Variants in FAM120A observed in about 807,000 individuals in gnomAD.
The protein encoded by FAM120A is family with sequence similarity 120 member A, also known as constitutive coactivator of PPAR-gamma-like protein 1.
A neutral mutation model predicts 109.7 loss-of-function variants in FAM120A; 15 were observed. The observed-to-expected ratio is 0.14, with a 90% CI of 0.09 to 0.21. FAM120A has a LOEUF of 0.21. Ranked by LOEUF, FAM120A falls within the 10% of genes least tolerant of loss-of-function variation. The pLI is 1.00. For synonymous variants in FAM120A, 493 were observed against 572.8 expected (o/e 0.86, Z 1.99); for missense variants, 899 against 1,439.3 (o/e 0.62, Z 6.07).
chr9:93,514,462 C>T (rs1860475909), intron 5 of FAM120A, among the ~76,000 whole-genome samples: 2 of 152,200 alleles, frequency 1.3e-5, no homozygotes, highest in Admixed American at 1.3e-4. Flanking sequence ...ACATTTAAAA[C>T]AAACCCAAGG....
At chr9:93,469,187 A>C (rs949323182) in intron 1 of FAM120A, among the ~76,000 whole-genome samples, 2 of 152,182 alleles carry the variant, frequency 1.3e-5, no homozygotes, top group African/African-American at 4.8e-5. Flanking sequence ...TCACCCAGGC[A>C]TTGTTCACCA....
intron 3 of FAM120A, among the ~76,000 whole-genome samples, chr9:93,482,583 C>T (rs1858868051): frequency 6.6e-6 from 1 of 152,142 alleles, no homozygotes; most frequent in South Asian, 2.1e-4. Context: ...ACTTTTAAAA[C>T]ATGTCCTTTA....
chr9:93,453,839 C>T (rs913685558), intron 1 of FAM120A, among the ~76,000 whole-genome samples: 2 of 152,186 alleles, frequency 1.3e-5, no homozygotes, highest in African/African-American at 4.8e-5. Context: ...TAAAAGTGTT[C>T]ATAGTTTAGT....
intron 3 of FAM120A, among the ~76,000 whole-genome samples, chr9:93,484,786 C>G (rs569830737): frequency 1.3e-5 from 2 of 152,268 alleles, no homozygotes; most frequent in African/African-American, 4.8e-5. Context: ...GTTGGCCAGG[C>G]TGGTCTCGAG....
At chr9:93,516,501 C>T (rs1488738915) in intron 7 of FAM120A, among the ~76,000 whole-genome samples, 1 of 152,176 alleles carries the variant, frequency 6.6e-6, no homozygotes, top group Non-Finnish European at 1.5e-5. Flanking sequence ...GCCCCATGGC[C>T]TGGAGCCACA....
intron 1 of FAM120A, among the ~76,000 whole-genome samples, chr9:93,460,595 A>G (rs1164072701): frequency 1.3e-5 from 2 of 152,226 alleles, no homozygotes; most frequent in Non-Finnish European, 2.9e-5. Context: ...CTGGCCTCCC[A>G]AAGTGCTGGG....
chr9:93,529,255 C>G, intron 8 of FAM120A, 98 bp from the exon 9 acceptor site: 1 of 1,084,762 alleles, frequency 9.2e-7, no homozygotes, highest in Non-Finnish European at 1.3e-6. Context: ...ATCTTTGTCC[C>G]CTCCGTGTCT....
At chr9:93,561,957 C>T (rs1029557573) in intron 16 of FAM120A, among the ~76,000 whole-genome samples, 1 of 152,154 alleles carries the variant, frequency 6.6e-6, no homozygotes, top group Admixed American at 6.5e-5. Flanking sequence ...TAAATCTTCC[C>T]TATGATCATA....
chr9:93,461,354 G>A (rs1857783918), intron 1 of FAM120A, among the ~76,000 whole-genome samples: 1 of 152,148 alleles, frequency 6.6e-6, no homozygotes, highest in South Asian at 2.1e-4. Context: ...CCAGACTGTT[G>A]GAGGGGGTCA....
intron 3 of FAM120A, among the ~76,000 whole-genome samples, chr9:93,480,538 G>A (rs756101408): frequency 1.3e-5 from 2 of 151,970 alleles, no homozygotes; most frequent in Non-Finnish European, 2.9e-5. Flanking sequence ...CTGAGGCTGC[G>A]TTTATCTTAC....
intron 2 of FAM120A, 104 bp from the exon 3 acceptor site, chr9:93,476,152 T>G: frequency 1.5e-6 from 1 of 677,960 alleles, no homozygotes; most frequent in Admixed American, 2.6e-5. Flanking sequence ...TCTCAGTTTC[T>G]GTTTGAAAGT....
At chr9:93,522,393 C>A (rs1013282346) in intron 7 of FAM120A, among the ~76,000 whole-genome samples, 1 of 152,176 alleles carries the variant, frequency 6.6e-6, no homozygotes. Flanking sequence ...AAGATTTTTA[C>A]AATAACTAGG....
chr9:93,553,121 G>C (rs1862162124), intron 12 of FAM120A, among the ~76,000 whole-genome samples: 2 of 152,202 alleles, frequency 1.3e-5, no homozygotes, highest in Non-Finnish European at 2.9e-5. Context: ...ACCTGTGACA[G>C]TGATTGATGA....
At chr9:93,560,176 T>A (rs1862422813) in intron 15 of FAM120A, among the ~76,000 whole-genome samples, 1 of 151,922 alleles carries the variant, frequency 6.6e-6, no homozygotes, top group Non-Finnish European at 1.5e-5. Flanking sequence ...ACACCTGTAG[T>A]CCCAGCTACT....
intron 12 of FAM120A, among the ~76,000 whole-genome samples, chr9:93,555,919 T>G (rs1164737874): frequency 6.6e-6 from 1 of 152,264 alleles, no homozygotes; most frequent in Non-Finnish European, 1.5e-5. Context: ...AATAATCTTT[T>G]AATGTAACTA....
chr9:93,559,771 A>T (rs1368390231), intron 15 of FAM120A, among the ~76,000 whole-genome samples: 1 of 152,122 alleles, frequency 6.6e-6, no homozygotes, highest in African/African-American at 2.4e-5. Context: ...GAGAGGGGAG[A>T]TTGTACTATG....
At chr9:93,513,479 A>C (rs777639964) in intron 5 of FAM120A, among the ~76,000 whole-genome samples, 1 of 152,200 alleles carries the variant, frequency 6.6e-6, no homozygotes, top group Non-Finnish European at 1.5e-5. Context: ...ACGTGTGTCT[A>C]TGTGCGTGTT....
chr9:93,510,296 T>C (rs1860253274), intron 5 of FAM120A, among the ~76,000 whole-genome samples: 1 of 152,232 alleles, frequency 6.6e-6, no homozygotes, highest in South Asian at 2.1e-4. Context: ...TGGAAGGTCA[T>C]TTTTATTTTG....
At position 93,452,161 on chromosome 9, in the gene FAM120A, C is replaced by T. The variant is rs761542129; in HGVS notation, c.246C>T (p.Ala82=). 1 of 1,611,668 alleles carries T rather than the reference C, an allele frequency of 6.2e-7. No individual in the cohort carries two copies. Among genetic ancestry groups the T allele is most frequent in the Admixed American group, 1.7e-5 (1 of 59,970 alleles). The change falls in exon 1 of 18, where the codon GCC becomes GCT. Residue 82 remains alanine, a synonymous_variant. Transcript: ENST00000277165. This position sits in a 1 kb window ranked among gnomAD's most constrained non-coding sequence, Gnocchi z 7.0. The stretch of plus-strand genomic sequence containing the variant: ...TGCTTGGCTACCTGGCGGCGCTGGC[C>T]AAGGCCTGCTTCGGCGGCAACATCG... The part of the protein sequence containing the change: ...NHMLGYLAAL[A]KACFGGNIEL...
Sources: gnomAD v4.1 joint callset for allele counts (sites outside exome capture counted in the v4.1 genomes callset) on GRCh38, gnomAD v4.1.1 for gene constraint, Gnocchi (gnomAD v3.1) non-coding constraint, MANE v1.5 for transcripts, NCBI Gene and HGNC (gene_info 2026-07-23, HGNC 2026-07-21) for gene names.